PHKB: variants seen among roughly 807,000 people sequenced by gnomAD.
PHKB encodes phosphorylase kinase regulatory subunit beta, also known as phosphorylase b kinase regulatory subunit beta.
In PHKB, 122 loss-of-function variants were observed where a neutral mutation model predicts 152.1. The ratio of observed to expected loss-of-function variants is 0.80; its 90% CI spans 0.69 to 0.93. The LOEUF (loss-of-function observed/expected upper bound fraction) is 0.93, where lower values mean the gene tolerates loss of function less well. PHKB is among the 40% of genes least tolerant of loss of function. The pLI is 0.00. For missense variants in PHKB, 1,304 were observed against 1,328.4 expected (o/e 0.98, Z 0.29); for synonymous variants, 436 against 464.9 (o/e 0.94, Z 0.80).
intron 6 of PHKB, among the ~76,000 whole-genome samples, chr16:47,543,508 G>T (rs1251459680): frequency 2.0e-5 from 3 of 152,114 alleles, no homozygotes; most frequent in Non-Finnish European, 4.4e-5. Flanking sequence ...GATGATGCTG[G>T]CCTCATAAAA....
At chr16:47,656,016 C>CTT (rs887475613) in intron 20 of PHKB, among the ~76,000 whole-genome samples, 1 of 143,678 alleles carries the variant, frequency 7.0e-6, no homozygotes, top group African/African-American at 2.5e-5. Flanking sequence ...AAGAGTTTTA[C>CTT]TTTTTTTTTT....
intron 26 of PHKB, among the ~76,000 whole-genome samples, chr16:47,680,728 T>C (rs1973835988): frequency 6.6e-6 from 1 of 152,194 alleles, no homozygotes; most frequent in Admixed American, 6.5e-5. Flanking sequence ...AGCTCCTGGA[T>C]TCATTAATTT....
intron 7 of PHKB, among the ~76,000 whole-genome samples, chr16:47,567,403 G>T (rs1971587669): frequency 6.6e-6 from 1 of 152,168 alleles, no homozygotes; most frequent in Non-Finnish European, 1.5e-5. Flanking sequence ...TGTAACCTGA[G>T]ACATTACTGA....
chr16:47,503,031 C>T lies in PHKB; in HGVS notation c.346C>T (p.His116Tyr). The T allele has an allele frequency of 6.2e-7, 1 of 1,613,386 alleles. No individual in the cohort carries two copies. The highest frequency in any genetic ancestry group is 8.5e-7 in the Non-Finnish European group (1 of 1,179,288). The change falls in exon 4 of 31, where the codon CAC (histidine) becomes TAC (tyrosine). Residue 116 changes from histidine to tyrosine, a missense_variant. Physicochemically the swap from His to Tyr is moderately conservative, Grantham distance 83. Coordinates refer to ENST00000323584, the MANE Select transcript of PHKB (RefSeq NM_000293.3). Reference sequence around the variant, plus strand: ...CAAGGGAAGGACCCATGAGCTGGAGCACTCAGCTATAAAATGCATGAGAGG... The same window carrying T: ...CAAGGGAAGGACCCATGAGCTGGAGTACTCAGCTATAAAATGCATGAGAGG... ...DDKGRTHELE[H>Y]SAIKCMRGIL...
At chr16:47,598,402 A>G (rs1350817181) in intron 13 of PHKB, among the ~76,000 whole-genome samples, 1 of 152,172 alleles carries the variant, frequency 6.6e-6, no homozygotes, top group Non-Finnish European at 1.5e-5. Context: ...TTCTTTAATA[A>G]TTTTCAAATC....
intron 14 of PHKB, among the ~76,000 whole-genome samples, chr16:47,620,224 G>GA (rs1167596720): frequency 2.0e-5 from 3 of 151,986 alleles, no homozygotes; most frequent in African/African-American, 4.8e-5. Flanking sequence ...AAGAATTATA[G>GA]AAAAAAATAT....
chr16:47,614,138 A>G (rs1972475845), intron 14 of PHKB, among the ~76,000 whole-genome samples: 1 of 152,194 alleles, frequency 6.6e-6, no homozygotes, highest in Admixed American at 6.5e-5. Flanking sequence ...TTCCTCATGG[A>G]GGAAGGCAAA....
At chr16:47,552,857 T>C (rs1413454257) in intron 7 of PHKB, among the ~76,000 whole-genome samples, 1 of 151,778 alleles carries the variant, frequency 6.6e-6, no homozygotes. Flanking sequence ...TGTTGAATAT[T>C]GATCCCCACT....
chr16:47,536,645 G>A (rs1430294487), intron 6 of PHKB, among the ~76,000 whole-genome samples: 1 of 152,192 alleles, frequency 6.6e-6, no homozygotes, highest in Non-Finnish European at 1.5e-5. Context: ...GCAGTAAGAT[G>A]TATACATATT....
intron 20 of PHKB, 59 bp downstream of exon 20, chr16:47,650,980 T>C (rs1249454070): frequency 8.7e-7 from 1 of 1,150,832 alleles, no homozygotes; most frequent in South Asian, 1.2e-5. Context: ...ACAATACAGC[T>C]ATGTTTCTTA....
intron 26 of PHKB, among the ~76,000 whole-genome samples, chr16:47,686,747 C>G (rs918274846): frequency 1.3e-5 from 2 of 152,080 alleles, no homozygotes; most frequent in Non-Finnish European, 2.9e-5. Flanking sequence ...TTTGCTTTAT[C>G]TTTTATTTTG....
chr16:47,660,742 G>A lies in PHKB; in HGVS notation c.2119G>A (p.Glu707Lys), dbSNP rs770560517. Residue 707 changes from glutamate (E) to lysine (K), a missense_variant, in exon 22 of 31, where the codon GAA (glutamate) becomes AAA (lysine). By Grantham distance (56) the Glu-to-Lys change is moderately conservative. Coordinates refer to ENST00000323584, the MANE Select transcript of PHKB (RefSeq NM_000293.3). ...KRQSSTPSAPELGQQPDVNIS... is the reference protein window; with the variant it reads ...KRQSSTPSAPKLGQQPDVNIS... ...GCAAAGCAGCACCCCTAGTGCTCCTGAACTGGGACAGCAGCCGGATGTCAA... is the reference window on the plus strand; with the variant it reads ...GCAAAGCAGCACCCCTAGTGCTCCTAAACTGGGACAGCAGCCGGATGTCAA... The A allele has an allele frequency of 6.2e-7, 1 of 1,614,010 alleles. No individual in the cohort carries two copies. The highest frequency in any genetic ancestry group is 1.3e-5 in the African/African-American group (1 of 74,930).
chr16:47,684,379 C>G (rs1228605128), intron 26 of PHKB, among the ~76,000 whole-genome samples: 1 of 152,118 alleles, frequency 6.6e-6, no homozygotes, highest in African/African-American at 2.4e-5. Context: ...TGTCAGATTT[C>G]CATGTACTTT....
chr16:47,467,379 G>T (rs1010062493), intron 1 of PHKB, among the ~76,000 whole-genome samples: 2 of 151,970 alleles, frequency 1.3e-5, no homozygotes, highest in East Asian at 1.9e-4. Context: ...TTTACTCTAC[G>T]TCCATCTTAT....
intron 7 of PHKB, among the ~76,000 whole-genome samples, chr16:47,554,749 C>T (rs187453938): frequency 2.6e-5 from 4 of 152,274 alleles, no homozygotes; most frequent in Non-Finnish European, 4.4e-5. Flanking sequence ...AGTCCCTCAC[C>T]GCTTCCTTTG....
At chr16:47,696,885 G>T (rs1392088077) in intron 29 of PHKB, among the ~76,000 whole-genome samples, 1 of 152,146 alleles carries the variant, frequency 6.6e-6, no homozygotes, top group Admixed American at 6.5e-5. Flanking sequence ...GAAAGTTTCA[G>T]CAGTTTAGAA....
intron 20 of PHKB, among the ~76,000 whole-genome samples, chr16:47,652,676 G>A (rs930320134): frequency 2.0e-5 from 3 of 152,048 alleles, no homozygotes; most frequent in South Asian, 2.1e-4. Flanking sequence ...ACAGGGTCTC[G>A]CTCTGTCCTC....
Position 47,678,752 on chromosome 16 carries a change from T to A in PHKB, c.2630+9335T>A, listed in dbSNP as rs1010492075. ...TCACTCTGATGGTGGTTTCTTTTGC[T>A]GTGCAGAAGCTCTTTAGTTTAATTA... is the stretch of plus-strand genomic sequence containing the variant. On this transcript the variant is annotated intron_variant, in intron 26 of 30. Transcript: ENST00000323584. Among the ~76,000 whole-genome samples, 102 of 152,088 alleles carry A rather than the reference T, an allele frequency of 6.7e-4. 1 individual carries two copies. The highest frequency in any genetic ancestry group is 2.1e-3 in the African/African-American group (88 of 41,568).
At chr16:47,675,615 G>A (rs1327984116) in intron 26 of PHKB, 1 of 152,126 alleles carries the variant, frequency 6.6e-6, no homozygotes, top group Non-Finnish European at 1.5e-5. Flanking sequence ...TCTCACAAGA[G>A]AAGTTCACCT....
Sources: allele counts gnomAD v4.1 joint callset (sites outside exome capture counted in the v4.1 genomes callset), GRCh38; gene constraint gnomAD v4.1.1; transcripts MANE v1.5; gene names NCBI Gene and HGNC (gene_info 2026-07-23, HGNC 2026-07-21).